The following FRMD4B variants were observed in gnomAD, a reference collection of about 807,000 sequenced individuals.
The protein encoded by FRMD4B is FERM domain-containing protein 4B.
FRMD4B carries 74 observed loss-of-function variants against 141.5 expected under a neutral mutation model. The ratio of observed to expected loss-of-function variants is 0.52; its 90% CI spans 0.43 to 0.63. FRMD4B has a LOEUF of 0.63. FRMD4B is among the 30% of genes least tolerant of loss of function. The pLI is 0.00. For missense variants in FRMD4B, 1,366 were observed against 1,253.4 expected, an observed-to-expected ratio of 1.09 and a Z score of -1.36; for synonymous variants, 506 against 467.9, an observed-to-expected ratio of 1.08 and a Z score of -1.05.
At chr3:69,261,133 T>G (rs1049209381) in intron 5 of FRMD4B, among the ~76,000 whole-genome samples, 1 of 152,176 alleles carries the variant, frequency 6.6e-6, no homozygotes. Context: ...TTGCAATAAA[T>G]CTTGCTGCTG....
chr3:69,446,628 G>A (rs1338084924), intron 1 of FRMD4B, among the ~76,000 whole-genome samples: 1 of 152,142 alleles, frequency 6.6e-6, no homozygotes, highest in East Asian at 1.9e-4. Flanking sequence ...CCCGCGCCAG[G>A]CCATGTGTTA....
intron 3 of FRMD4B, among the ~76,000 whole-genome samples, chr3:69,310,285 G>A (rs116613101): frequency 3.4e-4 from 52 of 152,224 alleles, no homozygotes; most frequent in African/African-American, 1.3e-3. Flanking sequence ...GGTGTTAAAA[G>A]CAAATTAACT....
chr3:69,394,093 C>T (rs1704434610), intron 2 of FRMD4B, among the ~76,000 whole-genome samples: 1 of 152,176 alleles, frequency 6.6e-6, no homozygotes, highest in African/African-American at 2.4e-5. Context: ...ACTGAGTGGC[C>T]TAAACAACAG....
At chr3:69,418,237 C>A (rs1704903358) in intron 2 of FRMD4B, among the ~76,000 whole-genome samples, 1 of 152,046 alleles carries the variant, frequency 6.6e-6, no homozygotes, top group South Asian at 2.1e-4. Context: ...ACATGTTTAC[C>A]AAAAATATAC....
At chr3:69,248,799 G>C (rs1011642780) in intron 7 of FRMD4B, among the ~76,000 whole-genome samples, 2 of 152,260 alleles carry the variant, frequency 1.3e-5, no homozygotes, top group Admixed American at 6.5e-5. Context: ...AGGCCCCTTC[G>C]GGGCAGCTGT....
intron 1 of FRMD4B, among the ~76,000 whole-genome samples, chr3:69,367,474 C>T (rs1703699602): frequency 6.6e-6 from 1 of 152,080 alleles, no homozygotes; most frequent in African/African-American, 2.4e-5. Flanking sequence ...TACACATGTA[C>T]ACATCCCATA....
intron 1 of FRMD4B, among the ~76,000 whole-genome samples, chr3:69,366,747 T>C (rs1476526431): frequency 2.6e-5 from 4 of 152,020 alleles, no homozygotes; most frequent in African/African-American, 9.7e-5. Flanking sequence ...TCAATAATAA[T>C]TAATAGTCTT....
chr3:69,503,827 A>G (rs558664417), intron 1 of FRMD4B, among the ~76,000 whole-genome samples: 10 of 152,148 alleles, frequency 6.6e-5, no homozygotes, highest in Non-Finnish European at 1.0e-4. Context: ...CCACTGCACT[A>G]CCTTGAGTAA....
intron 1 of FRMD4B, among the ~76,000 whole-genome samples, chr3:69,347,901 C>T (rs758650497): frequency 6.6e-6 from 1 of 151,978 alleles, no homozygotes; most frequent in East Asian, 1.9e-4. Context: ...AATTTGACAC[C>T]CTAACATCAC....
At chr3:69,291,849 C>A (rs1287312745) in intron 4 of FRMD4B, among the ~76,000 whole-genome samples, 1 of 151,092 alleles carries the variant, frequency 6.6e-6, no homozygotes, top group Non-Finnish European at 1.5e-5. Flanking sequence ...AACTAAAGAA[C>A]CCAAGTTAAT....
At chr3:69,320,383 A>G (rs1445482837) in intron 1 of FRMD4B, among the ~76,000 whole-genome samples, 1 of 152,152 alleles carries the variant, frequency 6.6e-6, no homozygotes, top group Non-Finnish European at 1.5e-5. Flanking sequence ...GTTTGAGCCC[A>G]GGAGTTTGAG....
At chr3:69,495,577 C>T (rs1400246287) in intron 1 of FRMD4B, among the ~76,000 whole-genome samples, 1 of 152,184 alleles carries the variant, frequency 6.6e-6, no homozygotes, top group Non-Finnish European at 1.5e-5. Context: ...GAATTTGGGT[C>T]ATCCGACAGG....
At chr3:69,311,226 CA>C in intron 3 of FRMD4B, 36 bp downstream of exon 3, 1 of 989,160 alleles carries the variant, frequency 1.0e-6, no homozygotes, top group Non-Finnish European at 1.6e-6. Context: ...GTAGCCCAGG[CA>C]AAAGGTAAAG....
chr3:69,440,152 A>T (rs1705321870), intron 1 of FRMD4B, among the ~76,000 whole-genome samples: 1 of 152,190 alleles, frequency 6.6e-6, no homozygotes, highest in African/African-American at 2.4e-5. Context: ...TTATTCTAAG[A>T]TTCCTTTCTC....
At chr3:69,250,250 G>A (rs887959573) in intron 5 of FRMD4B, 151 bp from the exon 6 acceptor site, 7 of 707,702 alleles carry the variant, frequency 9.9e-6, no homozygotes, top group Non-Finnish European at 1.8e-5. Flanking sequence ...GGGGGGTGTG[G>A]AGAGACTCAT....
chr3:69,394,111 T>A (rs568359217), intron 2 of FRMD4B, among the ~76,000 whole-genome samples: 35 of 152,260 alleles, frequency 2.3e-4, no homozygotes, highest in Non-Finnish European at 4.1e-4. Flanking sequence ...CAGAAATTTA[T>A]TTCTCACAGC....
At chr3:69,420,338 T>C (rs1328190596) in intron 2 of FRMD4B, among the ~76,000 whole-genome samples, 1 of 150,690 alleles carries the variant, frequency 6.6e-6, no homozygotes, top group Non-Finnish European at 1.5e-5. Context: ...TTTTCACCTA[T>C]GGAACAATCA....
At chr3:69,337,530 T>C (rs1282017403) in intron 1 of FRMD4B, among the ~76,000 whole-genome samples, 1 of 152,064 alleles carries the variant, frequency 6.6e-6, no homozygotes, top group Non-Finnish European at 1.5e-5. Context: ...ACCTACAGAA[T>C]GGGAGAAAAT....
At chr3:69,513,102 T>C (rs575003910) in intron 1 of FRMD4B, among the ~76,000 whole-genome samples, 116 of 151,682 alleles carry the variant, frequency 7.6e-4, no homozygotes, top group African/African-American at 2.6e-3. Context: ...AGAAAATTTA[T>C]AGAAAAAGAG....
Sources: allele counts gnomAD v4.1 joint callset (sites outside exome capture counted in the v4.1 genomes callset), GRCh38; gene constraint gnomAD v4.1.1; transcripts MANE v1.5; gene names NCBI Gene and HGNC (gene_info 2026-07-23, HGNC 2026-07-21).